The following FGF1 variants were observed in gnomAD, a reference collection of about 807,000 sequenced individuals.
FGF1 encodes beta-endothelial cell growth factor.
In FGF1, 9 loss-of-function variants were observed where a neutral mutation model predicts 13.4. That is an observed-to-expected ratio of 0.67 (90% CI 0.40 to 1.17). The LOEUF (loss-of-function observed/expected upper bound fraction) is 1.17. Among genes scored for constraint, FGF1 ranks in the 50% most tolerant of loss-of-function variants. The pLI is 0.01. For missense variants in FGF1, 156 were observed against 192.7 expected, an observed-to-expected ratio of 0.81 and a Z score of 1.13; for synonymous variants, 93 against 79.0, an observed-to-expected ratio of 1.18 and a Z score of -0.94.
chr5:142,668,885 C>T (rs1228700142), intron 1 of FGF1, among the ~76,000 whole-genome samples: 1 of 152,094 alleles, frequency 6.6e-6, no homozygotes, highest in African/African-American at 2.4e-5. Context: ...GTGCCAAGGG[C>T]TGGGGGGATG....
intron 1 of FGF1, among the ~76,000 whole-genome samples, chr5:142,651,967 C>T (rs1039892446): frequency 1.3e-5 from 2 of 151,824 alleles, no homozygotes; most frequent in African/African-American, 2.4e-5. Flanking sequence ...TAAACATGAA[C>T]GTTTATTAAG....
At position 142,659,290 on chromosome 5, in the gene FGF1, G is replaced by A. The variant is rs371717270; in HGVS notation, c.-35+26667C>T. 1.1e-4 allele frequency among the ~76,000 whole-genome samples: 16 copies of A among 148,412 alleles called. No individual in the cohort carries two copies. The South Asian group carries it at 3.0e-3, about 28-fold the overall frequency. On this transcript the variant is annotated intron_variant, in intron 1 of 3. Transcript: ENST00000337706. The stretch of plus-strand genomic sequence containing the variant: ...TGTCGCCAGGCTGGAGTGCAGTGGC[G>A]TGATCTCAGCTCACTACAACCTCTG...
chr5:142,621,984 C>A (rs1561583560), intron 1 of FGF1, among the ~76,000 whole-genome samples: 1 of 152,224 alleles, frequency 6.6e-6, no homozygotes, highest in African/African-American at 2.4e-5. Context: ...TCTCATAGGA[C>A]CATTTAACAT....
At chr5:142,694,698 G>A (rs1314037158) in intron 2 of FGF1, among the ~76,000 whole-genome samples, 1 of 152,078 alleles carries the variant, frequency 6.6e-6, no homozygotes, top group African/African-American at 2.4e-5. Flanking sequence ...CAGCCCAAGG[G>A]GCAAGCTTAA....
intron 3 of FGF1, among the ~76,000 whole-genome samples, chr5:142,598,489 A>G (rs1037099541): frequency 6.6e-6 from 1 of 152,168 alleles, no homozygotes; most frequent in Admixed American, 6.5e-5. Context: ...CATAGGTGAC[A>G]TATACTTACT....
intron 1 of FGF1, among the ~76,000 whole-genome samples, chr5:142,661,856 A>G (rs528251681): frequency 6.6e-6 from 1 of 152,276 alleles, no homozygotes; most frequent in Non-Finnish European, 1.5e-5. Context: ...ACAAAAAATT[A>G]GCAGGGCATG....
intron 1 of FGF1, among the ~76,000 whole-genome samples, chr5:142,666,665 T>TACC (rs1770434953): frequency 6.6e-6 from 1 of 152,222 alleles, no homozygotes; most frequent in Admixed American, 6.5e-5. Flanking sequence ...AGGCCTGGTA[T>TACC]ACCAGTTCAC....
intron 1 of FGF1, chr5:142,644,292 G>A (rs1302050539): frequency 6.6e-6 from 1 of 152,132 alleles, no homozygotes; most frequent in Admixed American, 6.5e-5. Flanking sequence ...AATATCTTAG[G>A]TCATTTTGAG....
chr5:142,612,908 G>A (rs1481313183), intron 2 of FGF1, among the ~76,000 whole-genome samples: 1 of 152,188 alleles, frequency 6.6e-6, no homozygotes, highest in East Asian at 1.9e-4. Context: ...GCAACCTCTG[G>A]TGCATGGTCC....
At chr5:142,620,277 G>A (rs1761282489) in intron 1 of FGF1, among the ~76,000 whole-genome samples, 2 of 152,122 alleles carry the variant, frequency 1.3e-5, no homozygotes, top group Non-Finnish European at 2.9e-5. Context: ...AATTAGCTGG[G>A]CATGGTGGTG....
chr5:142,651,862 A>G (rs1767322707), intron 1 of FGF1, among the ~76,000 whole-genome samples: 1 of 146,584 alleles, frequency 6.8e-6, no homozygotes, highest in Non-Finnish European at 1.5e-5. Flanking sequence ...ATAATATTCC[A>G]CCATGTGGAC....
At chr5:142,617,775 C>T (rs1215141953) in intron 1 of FGF1, among the ~76,000 whole-genome samples, 1 of 152,070 alleles carries the variant, frequency 6.6e-6, no homozygotes, top group Non-Finnish European at 1.5e-5. Context: ...CTAAAGGAAA[C>T]CCCAGGGGCA....
At chr5:142,649,619 G>C (rs1463676867) in intron 1 of FGF1, among the ~76,000 whole-genome samples, 2 of 152,034 alleles carry the variant, frequency 1.3e-5, no homozygotes, top group Non-Finnish European at 2.9e-5. Context: ...ATGTTAGCCA[G>C]GATGGTCTCA....
intron 1 of FGF1, among the ~76,000 whole-genome samples, chr5:142,619,562 AT>A (rs1761053077): frequency 6.6e-6 from 1 of 152,240 alleles, no homozygotes; most frequent in Non-Finnish European, 1.5e-5. Flanking sequence ...AATAGAATGT[AT>A]TTAGTCCAAG....
At chr5:142,642,589 G>A (rs1765374454) in intron 1 of FGF1, among the ~76,000 whole-genome samples, 1 of 152,220 alleles carries the variant, frequency 6.6e-6, no homozygotes, top group Non-Finnish European at 1.5e-5. Flanking sequence ...GGACAAGAAT[G>A]GGTGGCATAC....
intron 1 of FGF1, among the ~76,000 whole-genome samples, chr5:142,640,160 G>A (rs1764934705): frequency 6.6e-6 from 1 of 151,964 alleles, no homozygotes; most frequent in African/African-American, 2.4e-5. Context: ...TCGAGAAGAA[G>A]AGACTGAATT....
chr5:142,683,482 C>CCCTGGGAGTCTCCAGGTAGCCCGAT (rs1774101106), intron 1 of FGF1, among the ~76,000 whole-genome samples: 1 of 152,128 alleles, frequency 6.6e-6, no homozygotes. Context: ...AGAACAAATG[C>CCCTGGGAGTCTCCAGGTAGCCCGAT]ATTCCTAATT....
chr5:142,670,442 G>C (rs563689829), intron 1 of FGF1, among the ~76,000 whole-genome samples: 4 of 152,256 alleles, frequency 2.6e-5, no homozygotes, highest in African/African-American at 7.2e-5. Context: ...AGCCTTCCTT[G>C]GTCTCTCCAG....
At chr5:142,672,510 T>G (rs1771683455) in intron 1 of FGF1, among the ~76,000 whole-genome samples, 1 of 150,284 alleles carries the variant, frequency 6.7e-6, no homozygotes, top group African/African-American at 2.4e-5. Flanking sequence ...GTTTTTTTTT[T>G]TTTTTTTTTT....
Sources: allele counts gnomAD v4.1 joint callset (sites outside exome capture counted in the v4.1 genomes callset), GRCh38; gene constraint gnomAD v4.1.1; transcripts MANE v1.5; gene names NCBI Gene and HGNC (gene_info 2026-07-23, HGNC 2026-07-21).